CYP2C19: variants seen among roughly 807,000 people sequenced by gnomAD.
The protein encoded by CYP2C19 is cytochrome P450 family 2 subfamily C member 19.
A neutral mutation model predicts 40.9 loss-of-function variants in CYP2C19; 59 were observed. That is an observed-to-expected ratio of 1.44 (90% confidence interval 1.17 to 1.79). The LOEUF (loss-of-function observed/expected upper bound fraction) is 1.79. Ranked by LOEUF, CYP2C19 falls within the 40% of genes most tolerant of loss-of-function variation. The probability of loss-of-function intolerance (pLI) is 0.00; values close to 1 mark genes in which losing one functional copy is unlikely to be tolerated. For synonymous variants in CYP2C19, 253 were observed against 208.7 expected (o/e 1.21, Z -1.83); for missense variants, 754 against 596.9 (o/e 1.26, Z -2.74).
intron 1 of CYP2C19, among the ~76,000 whole-genome samples, chr10:94,769,047 G>T (rs578037891): frequency 1.3e-5 from 2 of 152,242 alleles, no homozygotes; most frequent in South Asian, 4.1e-4. Context: ...TAATGTCTTA[G>T]GGTGAGGATA....
chr10:94,765,100 TA>T (rs1422564679), intron 1 of CYP2C19, among the ~76,000 whole-genome samples: 1 of 152,124 alleles, frequency 6.6e-6, no homozygotes, highest in East Asian at 1.9e-4. Context: ...AGAGTAAGGA[TA>T]GATTTTGTTA....
intron 5 of CYP2C19, among the ~76,000 whole-genome samples, chr10:94,795,986 G>A (rs748955661): frequency 6.6e-5 from 10 of 152,134 alleles, no homozygotes; most frequent in African/African-American, 2.4e-4. Flanking sequence ...TTGCTGTGCA[G>A]AATCTCTTTA....
At chr10:94,828,551 G>C (rs1221543061) in intron 6 of CYP2C19, among the ~76,000 whole-genome samples, 5 of 148,964 alleles carry the variant, frequency 3.4e-5, no homozygotes, top group Admixed American at 2.0e-4. Context: ...TTGAGCCTAT[G>C]TGTGTCTCTG....
chr10:94,791,409 T>A (rs1434696767), intron 5 of CYP2C19, among the ~76,000 whole-genome samples: 1 of 152,178 alleles, frequency 6.6e-6, no homozygotes, highest in Non-Finnish European at 1.5e-5. Context: ...TTCTGCTAGC[T>A]TTTGAATATA....
At chr10:94,822,834 G>A (rs1041563752) in intron 6 of CYP2C19, among the ~76,000 whole-genome samples, 2 of 152,024 alleles carry the variant, frequency 1.3e-5, no homozygotes, top group Admixed American at 6.6e-5. Flanking sequence ...GATTAGTGAT[G>A]TTGAACATTT....
chr10:94,846,996 A>C (rs954572593), intron 7 of CYP2C19, among the ~76,000 whole-genome samples: 6 of 152,162 alleles, frequency 3.9e-5, no homozygotes, highest in Non-Finnish European at 7.3e-5. Context: ...TCATATGTTT[A>C]TTCACAAATG....
chr10:94,794,964 AG>A (rs1329945940), intron 5 of CYP2C19, among the ~76,000 whole-genome samples: 7 of 151,886 alleles, frequency 4.6e-5, no homozygotes, highest in African/African-American at 1.7e-4. Context: ...GTGATGAGAG[AG>A]GGCATCCTTG....
At chr10:94,787,748 G>C (rs1848560620) in intron 5 of CYP2C19, among the ~76,000 whole-genome samples, 1 of 152,104 alleles carries the variant, frequency 6.6e-6, no homozygotes, top group Non-Finnish European at 1.5e-5. Context: ...ACTGAATAGA[G>C]AGTCCTTTCC....
At position 94,843,080 on chromosome 10, in the gene CYP2C19, A is replaced by G; in HGVS notation, c.1149+56A>G. ...ATGTTCTTTTATTCCTCAAATTCAC[A>G]GTATGATTCTTACCCTCTACCATCA... On this transcript the variant is annotated intron_variant, in intron 7 of 8. Coordinates refer to ENST00000371321, the MANE Select transcript of CYP2C19 (RefSeq NM_000769.4). 4 of 1,595,636 alleles carry G rather than the reference A, an allele frequency of 2.5e-6. No homozygotes were observed. In the South Asian group the frequency reaches 3.3e-5, roughly 13 times the overall value.
rs115600170 is a variant in CYP2C19 at position 94,846,370 on chromosome 10, G to A, written c.1149+3346G>A. On this transcript the variant is annotated intron_variant, in intron 7 of 8. Transcript: ENST00000371321. ...ACTTTGACTATTCCACTGAATCACAGTGGTGAGGCAGAGGCACATAATGTT... is the reference window on the plus strand; with the variant it reads ...ACTTTGACTATTCCACTGAATCACAATGGTGAGGCAGAGGCACATAATGTT... Among the ~76,000 whole-genome samples the A allele has an allele frequency of 3.1e-3, 476 of 152,278 alleles. 3 individuals carry two copies. The highest frequency in any genetic ancestry group is 0.011 in the African/African-American group (452 of 41,574).
chr10:94,834,731 C>G (rs1370310363), intron 6 of CYP2C19, among the ~76,000 whole-genome samples: 1 of 152,128 alleles, frequency 6.6e-6, no homozygotes, highest in Non-Finnish European at 1.5e-5. Flanking sequence ...TCTTTACCTC[C>G]TGTTTTGCCT....
At chr10:94,799,423 C>G (rs1031053505) in intron 5 of CYP2C19, among the ~76,000 whole-genome samples, 50 of 152,146 alleles carry the variant, frequency 3.3e-4, no homozygotes, top group Admixed American at 1.3e-4. Context: ...TTTCTCTCTG[C>G]TGCCCTTAAC....
chr10:94,845,585 TA>T (rs1849561571), intron 7 of CYP2C19, among the ~76,000 whole-genome samples: 1 of 152,188 alleles, frequency 6.6e-6, no homozygotes, highest in South Asian at 2.1e-4. Context: ...AACTTTCCCA[TA>T]ATTTTTTTGT....
chr10:94,799,483 G>A (rs1447144215), intron 5 of CYP2C19, among the ~76,000 whole-genome samples: 1 of 152,004 alleles, frequency 6.6e-6, no homozygotes, highest in Non-Finnish European at 1.5e-5. Flanking sequence ...ATGTGTCTTG[G>A]GGTTGCTCTT....
In CYP2C19 at chr10:94,773,027, C is replaced by T. The variant is rs186003848; in HGVS notation, c.169-2031C>T. Among the ~76,000 whole-genome samples the T allele has an allele frequency of 5.6e-3, 858 of 152,064 alleles. 8 individuals are homozygous for T. The highest frequency in any genetic ancestry group is 0.02 in the African/African-American group (815 of 41,506). Reference sequence around the variant, plus strand: ...CGATCTGCTGACCTCATGATCCACCCGCCTCGGCCTCCCAAAGTGCTGGGA... The same window carrying T: ...CGATCTGCTGACCTCATGATCCACCTGCCTCGGCCTCCCAAAGTGCTGGGA... On this transcript the variant is annotated intron_variant, in intron 1 of 8. Coordinates refer to ENST00000371321, the MANE Select transcript of CYP2C19 (RefSeq NM_000769.4).
intron 8 of CYP2C19, among the ~76,000 whole-genome samples, chr10:94,851,343 A>G (rs750266048): frequency 6.6e-6 from 1 of 151,850 alleles, no homozygotes; most frequent in Non-Finnish European, 1.5e-5. Context: ...ATCATCCCCT[A>G]TGATGCAATC....
At chr10:94,829,971 G>T (rs935311461) in intron 6 of CYP2C19, among the ~76,000 whole-genome samples, 2 of 152,214 alleles carry the variant, frequency 1.3e-5, no homozygotes, top group Non-Finnish European at 2.9e-5. Context: ...CTGCTCAGGG[G>T]TCAGGGGTCA....
At chr10:94,809,284 T>A (rs1848880264) in intron 5 of CYP2C19, among the ~76,000 whole-genome samples, 1 of 152,174 alleles carries the variant, frequency 6.6e-6, no homozygotes, top group Non-Finnish European at 1.5e-5. Context: ...ACTAAATTAT[T>A]AGATTTGTTC....
At position 94,767,157 on chromosome 10, in the gene CYP2C19, G is replaced by A. The variant is rs541589735; in HGVS notation, c.168+4284G>A. On this transcript the variant is annotated intron_variant, in intron 1 of 8. Transcript: ENST00000371321. ...GTGAGAATTTCGGATTCTCAACAAG[G>A]TCATGGACAAAAGAGTAAAGAGTAG... Among the ~76,000 whole-genome samples, 8 of 152,274 alleles carry A rather than the reference G, an allele frequency of 5.3e-5. No homozygotes were observed. The South Asian group carries it at 1.0e-3, about 20-fold the overall frequency.
Sources: gnomAD v4.1 joint callset for allele counts (sites outside exome capture counted in the v4.1 genomes callset) on GRCh38, gnomAD v4.1.1 for gene constraint, MANE v1.5 for transcripts, NCBI Gene and HGNC (gene_info 2026-07-23, HGNC 2026-07-21) for gene names.